The following LYZL4 variants were observed in gnomAD, a reference collection of about 807,000 sequenced individuals.
LYZL4 encodes lysozyme-like protein 4.
Under a neutral mutation model 17.6 loss-of-function variants are expected in LYZL4, and 13 were observed. The ratio of observed to expected loss-of-function variants is 0.74; its 90% CI spans 0.48 to 1.18. LYZL4 has a LOEUF of 1.18. Among genes scored for constraint, LYZL4 ranks in the 50% most tolerant of loss-of-function variants. The pLI, the probability that LYZL4 is intolerant of heterozygous loss-of-function variation, is 0.00. For missense variants in LYZL4, 174 were observed against 188.2 expected, an observed-to-expected ratio of 0.92 and a Z score of 0.44; for synonymous variants, 64 against 67.7, an observed-to-expected ratio of 0.95 and a Z score of 0.27.
the LYZL4 span, among the ~76,000 whole-genome samples, chr3:42,374,692 C>T: frequency 4.1e-3 from 628 of 152,328 alleles, 2 homozygotes; most frequent in African/African-American, 0.014. Flanking sequence ...GCTGTATCCT[C>T]GCCACTGGTG....
chr3:42,367,423 A>T, the LYZL4 span, among the ~76,000 whole-genome samples: 2 of 152,238 alleles, frequency 1.3e-5, no homozygotes, highest in Non-Finnish European at 2.9e-5. Flanking sequence ...TGGGAAGAAT[A>T]AGCGGACACA....
At chr3:42,376,912 A>C in the LYZL4 span, among the ~76,000 whole-genome samples, 6 of 152,242 alleles carry the variant, frequency 3.9e-5, no homozygotes, top group African/African-American at 1.4e-4. Flanking sequence ...TTAAAATCTA[A>C]TTGAAGACAA....
chr3:42,394,711 C>T (rs905177387), downstream of LYZL4, among the ~76,000 whole-genome samples: 1 of 152,164 alleles, frequency 6.6e-6, no homozygotes, highest in Admixed American at 6.5e-5. Context: ...GCTTGGGCAA[C>T]CCGAGAGAGG....
Position 42,397,149 on chromosome 3 carries a change from C to T in LYZL4, c.*116G>A. On this transcript the variant is annotated 3_prime_UTR_variant, in exon 5 of 5. Coordinates refer to ENST00000287748, the MANE Select transcript of LYZL4 (RefSeq NM_144634.4). ...GATGAAGCAAACTTTTGTCTTTTTC[C>T]ATCTGGAACTCTTAAAGTGGTGAGA... 1 of 734,022 alleles carries T rather than the reference C, an allele frequency of 1.4e-6. No individual in the cohort carries two copies. Among genetic ancestry groups the T allele is most frequent in the Non-Finnish European group, 2.2e-6 (1 of 452,286 alleles). The allele number at this position is 734,022 out of a possible 1,614,324, so 45.5% of individuals were successfully genotyped here.
chr3:42,383,164 G>A, the LYZL4 span, among the ~76,000 whole-genome samples: 1 of 152,116 alleles, frequency 6.6e-6, no homozygotes. Flanking sequence ...GTATTATACT[G>A]AAAACAAGAG....
At chr3:42,384,503 C>T in the LYZL4 span, among the ~76,000 whole-genome samples, 1 of 151,826 alleles carries the variant, frequency 6.6e-6, no homozygotes, top group African/African-American at 2.4e-5. Context: ...GAGGTTTCTT[C>T]GAGAAGATGA....
At chr3:42,383,845 G>C in the LYZL4 span, among the ~76,000 whole-genome samples, 1 of 151,988 alleles carries the variant, frequency 6.6e-6, no homozygotes, top group Admixed American at 6.5e-5. Flanking sequence ...AAAAGTGAAA[G>C]AAATAGAAAA....
chr3:42,390,921 A>C, the LYZL4 span, among the ~76,000 whole-genome samples: 1 of 152,184 alleles, frequency 6.6e-6, no homozygotes, highest in African/African-American at 2.4e-5. Flanking sequence ...GTTTTGGTGG[A>C]GCCTTGGAAG....
chr3:42,374,672 A>G, the LYZL4 span, among the ~76,000 whole-genome samples: 1 of 152,096 alleles, frequency 6.6e-6, no homozygotes, highest in African/African-American at 2.4e-5. Context: ...CTCAGTCCCC[A>G]CCTGTCCCTG....
the LYZL4 span, among the ~76,000 whole-genome samples, chr3:42,364,792 C>G: frequency 0.033 from 5,087 of 152,166 alleles, 284 homozygotes; most frequent in African/African-American, 0.12. Flanking sequence ...ATCTTTTTGG[C>G]GTGTGAGACA....
the LYZL4 span, among the ~76,000 whole-genome samples, chr3:42,375,094 A>G: frequency 6.6e-6 from 1 of 152,116 alleles, no homozygotes; most frequent in Non-Finnish European, 1.5e-5. Flanking sequence ...TACAGGTGTG[A>G]GCCACTGTAC....
At chr3:42,407,716 A>G (rs1698784353) in intron 1 of LYZL4, among the ~76,000 whole-genome samples, 1 of 151,556 alleles carries the variant, frequency 6.6e-6, no homozygotes, top group Non-Finnish European at 1.5e-5. Context: ...AAAAAAAAAA[A>G]GCATCATGGC....
the LYZL4 span, among the ~76,000 whole-genome samples, chr3:42,378,234 T>C: frequency 6.6e-6 from 1 of 152,306 alleles, no homozygotes; most frequent in East Asian, 1.9e-4. Context: ...GGCATCTCTA[T>C]TACAGGGGCC....
intron 1 of LYZL4, among the ~76,000 whole-genome samples, chr3:42,409,948 C>G (rs1698832887): frequency 6.6e-6 from 1 of 152,172 alleles, no homozygotes; most frequent in South Asian, 2.1e-4. Flanking sequence ...CTTGAATATG[C>G]CAATTTCATT....
rs547938214 is a variant in LYZL4 at position 42,408,827 on chromosome 3, G to A, written c.-92-1484C>T. On this transcript the variant is annotated intron_variant, in intron 1 of 4. Transcript: ENST00000287748. ...ATGCTTAGTTCTGGGAACATCCTGT[G>A]CATTGGATTGTTTAGGAGTACACCT... is the stretch of plus-strand genomic sequence containing the variant. Among the ~76,000 whole-genome samples, 9 of 152,240 alleles carry A rather than the reference G, an allele frequency of 5.9e-5. No homozygotes were observed. The South Asian group carries it at 1.9e-3, about 32-fold the overall frequency.
chr3:42,391,225 A>T, the LYZL4 span, among the ~76,000 whole-genome samples: 6 of 152,216 alleles, frequency 3.9e-5, no homozygotes, highest in Non-Finnish European at 8.8e-5. Context: ...TATAACAGGT[A>T]TTTTTGTATG....
the LYZL4 span, among the ~76,000 whole-genome samples, chr3:42,376,691 T>A: frequency 6.6e-5 from 10 of 152,190 alleles, no homozygotes; most frequent in Non-Finnish European, 1.2e-4. Context: ...CACCTGGCCC[T>A]ATGTGGCTGT....
the LYZL4 span, among the ~76,000 whole-genome samples, chr3:42,381,352 G>A: frequency 3.9e-5 from 6 of 151,926 alleles, no homozygotes; most frequent in South Asian, 2.1e-4. Flanking sequence ...TCAATTCATC[G>A]AAAGAAAGTC....
At chr3:42,398,127 A>G (rs948989048) in intron 4 of LYZL4, among the ~76,000 whole-genome samples, 1 of 152,090 alleles carries the variant, frequency 6.6e-6, no homozygotes, top group Admixed American at 6.5e-5. Context: ...AAACATACAC[A>G]CAGGTATTTT....
Sources: gnomAD v4.1 joint callset for allele counts (sites outside exome capture counted in the v4.1 genomes callset) on GRCh38, gnomAD v4.1.1 for gene constraint, MANE v1.5 for transcripts, NCBI Gene and HGNC (gene_info 2026-07-23, HGNC 2026-07-21) for gene names.